The following ATP8B4 variants were observed in gnomAD, a reference collection of about 807,000 sequenced individuals.
The protein encoded by ATP8B4 is probable phospholipid-transporting ATPase IM.
ATP8B4 carries 133 observed loss-of-function variants against 145.6 expected under a neutral mutation model. The observed-to-expected ratio is 0.91, with a 90% confidence interval of 0.79 to 1.05. ATP8B4 has a LOEUF of 1.05. ATP8B4 is among the 50% of genes least tolerant of loss of function. The pLI is 0.00. For missense variants in ATP8B4, 1,458 were observed against 1,425.2 expected (o/e 1.02, Z -0.37); for synonymous variants, 507 against 492.9 (o/e 1.03, Z -0.38).
rs2044186823 is a variant in ATP8B4, at chr15:50,140,064, T to G, written c.-42-33056A>C. Among the ~76,000 whole-genome samples, 6 of 152,236 alleles carry G rather than the reference T, an allele frequency of 3.9e-5. No individual in the cohort carries two copies. The South Asian group carries it at 8.3e-4, about 21-fold the overall frequency. On this transcript the variant is annotated intron_variant, in intron 1 of 3. Coordinates refer to the ATP8B4 transcript ENST00000558829. Reference sequence around the variant, plus strand: ...AGTGATTAAAAAACTACATATTGGGTACAGTGTGCACTATTTGGGTGACAG... The same window carrying G: ...AGTGATTAAAAAACTACATATTGGGGACAGTGTGCACTATTTGGGTGACAG...
At chr15:49,921,581 A>G (rs1248748276) in intron 17 of ATP8B4, among the ~76,000 whole-genome samples, 1 of 152,188 alleles carries the variant, frequency 6.6e-6, no homozygotes, top group Non-Finnish European at 1.5e-5. Context: ...CTGCAAGTAA[A>G]GCATTTTTAT....
At chr15:50,161,181 T>G (rs190444299) in intron 1 of ATP8B4, among the ~76,000 whole-genome samples, 2 of 152,256 alleles carry the variant, frequency 1.3e-5, no homozygotes, top group Admixed American at 1.3e-4. Context: ...AATATAAGTA[T>G]AGTTACTCCT....
At chr15:49,935,757 C>T (rs1204133366) in intron 14 of ATP8B4, among the ~76,000 whole-genome samples, 1 of 152,058 alleles carries the variant, frequency 6.6e-6, no homozygotes, top group Admixed American at 6.6e-5. Context: ...AATATTAGAC[C>T]TTTTCCAAAA....
rs1332318684 is a variant in ATP8B4 at position 49,897,452 on chromosome 15, T to C, written c.2537A>G (p.Tyr846Cys). 1.9e-6 allele frequency: 3 copies of C among 1,608,064 alleles called. No homozygotes were observed. Among genetic ancestry groups the C allele is most frequent in the Admixed American group, 1.7e-5 (1 of 58,992 alleles). The stretch of plus-strand genomic sequence containing the variant: ...GAGATATCTAAACTGTGCAAATGAA[T>C]AGTCGCTGGCTAAGACTGCTTGCAA... ...EGLQAVLASD[Y>C]SFAQFRYLQR... The change falls in exon 23 of 28, where the codon TAT becomes TGT. Residue 846 changes from tyrosine to cysteine, a missense_variant. By Grantham distance (194) the Tyr-to-Cys change is radical (BLOSUM62 -2). Coordinates refer to ENST00000284509, the MANE Select transcript of ATP8B4 (RefSeq NM_024837.4).
intron 1 of ATP8B4, among the ~76,000 whole-genome samples, chr15:50,172,961 G>C (rs1238919415): frequency 6.6e-6 from 1 of 151,038 alleles, no homozygotes; most frequent in Non-Finnish European, 1.5e-5. Context: ...CGCCCCATCC[G>C]GGAGGTGGGG....
chr15:50,086,617 TA>T (rs1258572922), intron 2 of ATP8B4, among the ~76,000 whole-genome samples: 1 of 114,986 alleles, frequency 8.7e-6, no homozygotes, highest in East Asian at 2.4e-4. Context: ...TTATATATAA[TA>T]AAATAATAGA....
chr15:50,129,946 C>CAAAAAAA (rs59921497), intron 1 of ATP8B4, among the ~76,000 whole-genome samples: 10 of 88,078 alleles, frequency 1.1e-4, no homozygotes, highest in Admixed American at 2.5e-4. Context: ...GACTCTGACT[C>CAAAAAAA]AAAAAAAAAA....
chr15:50,049,231 G>A (rs1254396755), intron 3 of ATP8B4, among the ~76,000 whole-genome samples: 1 of 152,146 alleles, frequency 6.6e-6, no homozygotes, highest in African/African-American at 2.4e-5. Flanking sequence ...GACAAGAGCT[G>A]GGACATCCAC....
intron 1 of ATP8B4, among the ~76,000 whole-genome samples, chr15:50,174,123 C>T (rs535343049): frequency 6.6e-5 from 10 of 152,236 alleles, no homozygotes; most frequent in East Asian, 1.9e-4. Context: ...TCAGCAAAAT[C>T]GGCATACAAG....
chr15:50,023,759 C>T (rs1387291388), intron 6 of ATP8B4, among the ~76,000 whole-genome samples: 1 of 21,392 alleles, frequency 4.7e-5, no homozygotes, highest in Non-Finnish European at 9.5e-5. Flanking sequence ...TCTGCACCCA[C>T]AAAAAATTGA....
At chr15:49,999,742 T>C (rs1207417846) in intron 8 of ATP8B4, among the ~76,000 whole-genome samples, 3 of 152,074 alleles carry the variant, frequency 2.0e-5, no homozygotes, top group African/African-American at 7.2e-5. Context: ...AAATATAGTA[T>C]AATATCACAA....
At chr15:49,981,138 C>T in intron 11 of ATP8B4, 68 bp downstream of exon 11, 1 of 1,327,616 alleles carries the variant, frequency 7.5e-7, no homozygotes, top group South Asian at 1.3e-5. Context: ...TTAAAGAATT[C>T]CCAGCAAGAT....
At chr15:49,932,383 G>T (rs1175828053) in intron 15 of ATP8B4, among the ~76,000 whole-genome samples, 1 of 151,836 alleles carries the variant, frequency 6.6e-6, no homozygotes, top group African/African-American at 2.4e-5. Context: ...ATAAATTTTT[G>T]TATTGTATTG....
chr15:50,058,892 G>A (rs1484552224), intron 3 of ATP8B4, among the ~76,000 whole-genome samples: 1 of 151,584 alleles, frequency 6.6e-6, no homozygotes, highest in East Asian at 1.9e-4. Context: ...GTGTTGAGAG[G>A]GAGAGAATAG....
At chr15:49,983,150 A>C (rs1340715736) in intron 10 of ATP8B4, among the ~76,000 whole-genome samples, 1 of 152,160 alleles carries the variant, frequency 6.6e-6, no homozygotes, top group Non-Finnish European at 1.5e-5. Flanking sequence ...TGAGACCAAC[A>C]GTTTTAATAA....
intron 6 of ATP8B4, among the ~76,000 whole-genome samples, chr15:50,017,480 T>A (rs2049180025): frequency 6.6e-6 from 1 of 152,192 alleles, no homozygotes; most frequent in Non-Finnish European, 1.5e-5. Context: ...CAAATAATTA[T>A]CCTCTTTTTG....
chr15:49,997,666 C>T (rs781085891), intron 8 of ATP8B4, among the ~76,000 whole-genome samples: 11 of 152,082 alleles, frequency 7.2e-5, no homozygotes, highest in South Asian at 4.1e-4. Context: ...TGTGCAAACC[C>T]GTGAAATAAC....
intron 3 of ATP8B4, among the ~76,000 whole-genome samples, chr15:50,055,848 C>T (rs1333364161): frequency 6.6e-6 from 1 of 152,168 alleles, no homozygotes; most frequent in Non-Finnish European, 1.5e-5. Context: ...TACCCATGTT[C>T]ATGCAAAGAA....
intron 1 of ATP8B4, among the ~76,000 whole-genome samples, chr15:50,128,672 G>A (rs1595628821): frequency 6.6e-6 from 1 of 152,260 alleles, no homozygotes; most frequent in East Asian, 1.9e-4. Flanking sequence ...GACTGTGGTT[G>A]GTAAATTGAT....
Sources: gnomAD v4.1 joint callset for allele counts (sites outside exome capture counted in the v4.1 genomes callset) on GRCh38, gnomAD v4.1.1 for gene constraint, MANE v1.5 for transcripts, NCBI Gene and HGNC (gene_info 2026-07-23, HGNC 2026-07-21) for gene names.